Variants in CHST15 observed in about 807,000 individuals in gnomAD.
CHST15 encodes the protein B cell RAG associated protein (GALNAC4S-6ST).
In CHST15, 30 loss-of-function variants were observed where a neutral mutation model predicts 53.6. That is an observed-to-expected ratio of 0.56 (90% CI 0.42 to 0.76). The LOEUF (loss-of-function observed/expected upper bound fraction) is 0.76. Ranked by LOEUF, CHST15 falls within the 30% of genes least tolerant of loss-of-function variation. The probability of loss-of-function intolerance (pLI) is 0.00; values close to 1 mark genes in which losing one functional copy is unlikely to be tolerated. For synonymous variants in CHST15, 296 were observed against 289.8 expected (o/e 1.02, Z -0.22); for missense variants, 627 against 740.5 (o/e 0.85, Z 1.78).
intron 2 of CHST15, among the ~76,000 whole-genome samples, chr10:124,045,127 A>AC (rs1554911451): frequency 8.0e-6 from 1 of 125,076 alleles, no homozygotes; most frequent in African/African-American, 4.2e-5. Context: ...AAAAAAAAAA[A>AC]AAAAAAAAAA....
At chr10:124,013,805 G>A (rs922126248) in intron 6 of CHST15, among the ~76,000 whole-genome samples, 47 of 152,238 alleles carry the variant, frequency 3.1e-4, no homozygotes, top group African/African-American at 1.1e-3. Flanking sequence ...AAGTGCCCAG[G>A]GACCCTGCTC....
chr10:124,063,080 A>C (rs762493062), intron 1 of CHST15, among the ~76,000 whole-genome samples: 3 of 152,000 alleles, frequency 2.0e-5, no homozygotes, highest in Non-Finnish European at 4.4e-5. Context: ...ACAAGAAACT[A>C]ATTAAAAAAT....
intron 5 of CHST15, among the ~76,000 whole-genome samples, chr10:124,032,878 T>C (rs1590219913): frequency 6.7e-6 from 1 of 150,198 alleles, no homozygotes; most frequent in Non-Finnish European, 1.5e-5. Context: ...GATTTGACTT[T>C]GCTTAAAATT....
intron 1 of CHST15, among the ~76,000 whole-genome samples, chr10:124,090,416 C>A (rs1949569669): frequency 6.6e-6 from 1 of 152,222 alleles, no homozygotes; most frequent in African/African-American, 2.4e-5. Context: ...TCCAGCCGAA[C>A]TCGAAATGGC....
rs151254517 is a variant in CHST15, at chr10:124,032,116, C to T, written c.1190+6399G>A. Among the ~76,000 whole-genome samples, 286 of 152,276 alleles carry T rather than the reference C, an allele frequency of 1.9e-3. 4 individuals carry two copies. Among genetic ancestry groups the T allele is most frequent in the Admixed American group, 0.016 (249 of 15,306 alleles). ...AAGCCTGCTTCCTTTCCTAGTTTAT[C>T]GTCATAACTGAATCATTTGACCAGT... On this transcript the variant is annotated intron_variant, in intron 5 of 7. Transcript: ENST00000435907.
intron 1 of CHST15, among the ~76,000 whole-genome samples, chr10:124,079,511 C>A (rs969450608): frequency 3.3e-5 from 5 of 152,212 alleles, no homozygotes; most frequent in African/African-American, 1.2e-4. Flanking sequence ...TGATGCAGGA[C>A]CTGGGAGGCC....
In CHST15 at chr10:124,045,722, T is replaced by A; in HGVS notation, c.491A>T (p.Glu164Val). The A allele has an allele frequency of 6.2e-7, 1 of 1,613,910 alleles. No homozygotes were observed. The highest frequency in any genetic ancestry group is 2.2e-5 in the East Asian group (1 of 44,884). ...LIINSITTRI[E>V]FTTRQLPDLE... ...GTCTGGGAGCTGTCTGGTCGTGAACTCAATCCTAGTTGTGATGCTGTTGAT... is the reference window on the plus strand; with the variant it reads ...GTCTGGGAGCTGTCTGGTCGTGAACACAATCCTAGTTGTGATGCTGTTGAT... Residue 164 changes from glutamate to valine, a missense_variant, in exon 2 of 8, where the codon GAG becomes GTG. Physicochemically the swap from Glu to Val is moderately radical, Grantham distance 121 (BLOSUM62 -2). This residue lies in a region of CHST15 where 187 missense variants were observed against 251.8 expected (regional missense o/e 0.74). Transcript: ENST00000435907.
chr10:124,009,172 C>T lies in CHST15; in HGVS notation c.*977G>A, dbSNP rs758105340. 1.3e-4 allele frequency: 150 copies of T among 1,186,532 alleles called. No homozygotes were observed. The highest frequency in any genetic ancestry group is 1.5e-4 in the Non-Finnish European group (138 of 932,352). The allele number at this position is 1,186,532 out of a possible 1,614,324, so 73.5% of individuals were successfully genotyped here. A position where few individuals can be genotyped will look rare whatever the true frequency, so the allele number is the denominator to read the frequency against. The stretch of plus-strand genomic sequence containing the variant: ...AACTAAAAATTAAAATCCTCTGTTT[C>T]TCTGATGATCTTGTAAACCTGATGA... On this transcript the variant is annotated 3_prime_UTR_variant, in exon 8 of 8. Coordinates refer to ENST00000435907, the MANE Select transcript of CHST15 (RefSeq NM_001270764.2).
intron 6 of CHST15, among the ~76,000 whole-genome samples, chr10:124,017,609 G>A (rs539080658): frequency 2.8e-4 from 42 of 152,298 alleles, no homozygotes; most frequent in Middle Eastern, 3.4e-3. Context: ...GGCCTGCCAC[G>A]CTGTGGGTGC....
intron 5 of CHST15, among the ~76,000 whole-genome samples, chr10:124,022,155 C>T (rs1564855603): frequency 6.6e-6 from 1 of 152,202 alleles, no homozygotes; most frequent in Non-Finnish European, 1.5e-5. Context: ...CCTCCAGGTC[C>T]ATCTCTGCAC....
chr10:124,018,946 TG>T (rs925283202), intron 6 of CHST15, among the ~76,000 whole-genome samples: 48 of 152,164 alleles, frequency 3.2e-4, no homozygotes, highest in African/African-American at 1.0e-3. Flanking sequence ...GGTAGGATGA[TG>T]GGGAAACCCA....
intron 1 of CHST15, among the ~76,000 whole-genome samples, chr10:124,080,836 C>T (rs1949210136): frequency 6.6e-6 from 1 of 152,226 alleles, no homozygotes; most frequent in Non-Finnish European, 1.5e-5. Flanking sequence ...TGCCTGTTTT[C>T]CTTTCACCCA....
intron 1 of CHST15, among the ~76,000 whole-genome samples, chr10:124,081,675 TC>T (rs1295035571): frequency 1.3e-5 from 2 of 152,128 alleles, no homozygotes; most frequent in African/African-American, 4.8e-5. Flanking sequence ...TTTATCTACC[TC>T]ATCAGAGCTA....
At chr10:124,040,307 G>C (rs147262761) in intron 4 of CHST15, among the ~76,000 whole-genome samples, 66 of 152,258 alleles carry the variant, frequency 4.3e-4, no homozygotes, top group African/African-American at 1.5e-3. Flanking sequence ...TTGGCACCAG[G>C]GACAGATCAG....
chr10:124,083,694 T>C (rs1403352877), intron 1 of CHST15, among the ~76,000 whole-genome samples: 2 of 152,218 alleles, frequency 1.3e-5, no homozygotes, highest in Non-Finnish European at 2.9e-5. Context: ...GAGCATGCTT[T>C]CTTCCCCCTC....
In CHST15 at chr10:124,036,662, GCACA is replaced by G. The variant is rs36082614; in HGVS notation, c.1190+1849_1190+1852del. ...TAAGACTGTCCTGTCACACCCATGTGCACACACACACACACACACACTTATTTGC... is the reference window on the plus strand; with the variant it reads ...TAAGACTGTCCTGTCACACCCATGTGCACACACACACACACACTTATTTGC... On this transcript the variant is annotated intron_variant, in intron 5 of 7. Transcript: ENST00000435907. This position sits in a 1 kb window ranked among gnomAD's most constrained non-coding sequence, Gnocchi z 5.1. Among the ~76,000 whole-genome samples, 31 of 149,702 alleles carry G rather than the reference GCACA, an allele frequency of 2.1e-4. No individual in the cohort carries two copies. In the East Asian group the frequency reaches 2.3e-3, roughly 11 times the overall value.
intron 5 of CHST15, among the ~76,000 whole-genome samples, chr10:124,030,477 T>A (rs550516118): frequency 3.3e-4 from 50 of 152,190 alleles, no homozygotes; most frequent in African/African-American, 1.2e-3. Context: ...AAGGAAAGAG[T>A]GAGAGCTGGA....
intron 5 of CHST15, among the ~76,000 whole-genome samples, chr10:124,038,188 C>G (rs1455614801): frequency 6.6e-6 from 1 of 151,800 alleles, no homozygotes; most frequent in Non-Finnish European, 1.5e-5. Context: ...CCCACTGCAG[C>G]CTCCGCCTCC....
rs548935092 is a variant in CHST15 at position 124,065,821 on chromosome 10, C to T, written c.-512-19097G>A. Among the ~76,000 whole-genome samples the T allele has an allele frequency of 2.6e-5, 4 of 152,230 alleles. No homozygotes were observed. The South Asian group carries it at 6.2e-4, about 24-fold the overall frequency. On this transcript the variant is annotated intron_variant, in intron 1 of 7. Transcript: ENST00000435907. ...TTTTGTTTTGACCCATTCTCAGTTT[C>T]GTATAACCCTTTCAGGCAAATTTCT...
Sources: gnomAD v4.1 joint callset for allele counts (sites outside exome capture counted in the v4.1 genomes callset) on GRCh38, gnomAD v4.1.1 for gene constraint, gnomAD v4.1.1 regional missense constraint, Gnocchi (gnomAD v3.1) non-coding constraint, MANE v1.5 for transcripts, NCBI Gene and HGNC (gene_info 2026-07-23, HGNC 2026-07-21) for gene names.